The following ACSF3 variants were observed in gnomAD, a reference collection of about 807,000 sequenced individuals.
The protein encoded by ACSF3 is acyl-CoA synthetase family member 3.
A neutral mutation model predicts 53.2 loss-of-function variants in ACSF3; 78 were observed. The ratio of observed to expected loss-of-function variants is 1.47; its 90% CI spans 1.22 to 1.77. The LOEUF is 1.77. Among genes scored for constraint, ACSF3 ranks in the 40% most tolerant of loss-of-function variants. The probability of loss-of-function intolerance (pLI) is 0.00; values close to 1 mark genes in which losing one functional copy is unlikely to be tolerated. For missense variants in ACSF3, 937 were observed against 771.1 expected (o/e 1.22, Z -2.55); for synonymous variants, 414 against 333.1 (o/e 1.24, Z -2.65).
intron 4 of ACSF3, among the ~76,000 whole-genome samples, chr16:89,107,241 C>T (rs1384128879): frequency 1.3e-5 from 2 of 152,318 alleles, no homozygotes; most frequent in East Asian, 3.9e-4. Context: ...GCTCTCAGTG[C>T]CCTTCTTTAG....
chr16:89,137,503 A>G lies in ACSF3; in HGVS notation c.1366+4241A>G, dbSNP rs12924859. Among the ~76,000 whole-genome samples the G allele has an allele frequency of 4.3e-4, 46 of 105,918 alleles. 1 individual carries two copies. Among genetic ancestry groups the G allele is most frequent in the Middle Eastern group, 9.3e-3 (1 of 108 alleles). The allele number at this position is 105,918 out of a possible 152,430, so 69.5% of individuals were successfully genotyped here. A position where few individuals can be genotyped will look rare whatever the true frequency, so the allele number is the denominator to read the frequency against. ...GGGAAAGATTGAGGGGAAGAGCCCC[A>G]GGTCTCGGGAGGACCACCAGGAGCT... On this transcript the variant is annotated intron_variant, in intron 8 of 10. Coordinates refer to ENST00000614302, the MANE Select transcript of ACSF3 (RefSeq NM_001243279.3).
chr16:89,154,051 G>A (rs752592101), intron 10 of ACSF3, 39 bp from the exon 11 acceptor site: 59 of 1,600,150 alleles, frequency 3.7e-5, no homozygotes, highest in Non-Finnish European at 4.9e-5. Context: ...GCTGGGCACT[G>A]TCAGGGCAGT....
chr16:89,148,475 G>A (rs1343527562), intron 10 of ACSF3: 1 of 152,182 alleles, frequency 6.6e-6, no homozygotes, highest in Non-Finnish European at 1.5e-5. Context: ...GCATGGAGGT[G>A]GCTCCCAAGG....
chr16:89,102,497 C>A, intron 3 of ACSF3, 107 bp from the exon 4 acceptor site: 1 of 1,330,394 alleles, frequency 7.5e-7, no homozygotes, highest in Non-Finnish European at 1.1e-6. Flanking sequence ...CCTTCCCCTT[C>A]CTCAGTGGGG....
intron 8 of ACSF3, among the ~76,000 whole-genome samples, chr16:89,140,154 C>T (rs2151545650): frequency 6.6e-6 from 1 of 152,382 alleles, no homozygotes; most frequent in Admixed American, 6.5e-5. Flanking sequence ...GGCACCTGAG[C>T]TTCCAGCACC....
Position 89,150,972 on chromosome 16 carries a change from T to A in ACSF3, c.1614-3118T>A, listed in dbSNP as rs1424893503. Reference sequence around the variant, plus strand: ...TAATGGGAGTTCCAACAAGAAGATATCCAGGGAGGAAATTCACAGTCAAAT... The same window carrying A: ...TAATGGGAGTTCCAACAAGAAGATAACCAGGGAGGAAATTCACAGTCAAAT... On this transcript the variant is annotated intron_variant, in intron 10 of 10. Coordinates refer to ENST00000614302, the MANE Select transcript of ACSF3 (RefSeq NM_001243279.3). 8 of 1,283,018 alleles carry A rather than the reference T, an allele frequency of 6.2e-6. No homozygotes were observed. In the East Asian group the frequency reaches 4.5e-4, roughly 72 times the overall value. 79.5% of individuals were successfully genotyped at this position (1,283,018 alleles called of 1,614,324 possible).
At position 89,100,667 on chromosome 16, in the gene ACSF3, C is replaced by T; in HGVS notation, c.-15C>T. 6.3e-7 allele frequency: 1 copy of T among 1,588,688 alleles called. No homozygotes were observed. Among genetic ancestry groups the T allele is most frequent in the Non-Finnish European group, 8.5e-7 (1 of 1,174,576 alleles). On this transcript the variant is annotated 5_prime_UTR_variant, in exon 3 of 11. Transcript: ENST00000614302. Reference sequence around the variant, plus strand: ...TGTGCCTTGCCTTTCTCCAGCTCGGCCGCCTGTCAGTGCAATGCTGCCCCA... The same window carrying T: ...TGTGCCTTGCCTTTCTCCAGCTCGGTCGCCTGTCAGTGCAATGCTGCCCCA...
In ACSF3 at chr16:89,114,402, G is replaced by A. The variant is rs376153659; in HGVS notation, c.1041G>A (p.Thr347=). The A allele has an allele frequency of 1.2e-5, 19 of 1,613,908 alleles. No individual in the cohort carries two copies. The highest frequency in any genetic ancestry group is 8.0e-5 in the African/African-American group (6 of 74,938). ...TGCTGGAGAAGTGGAAGAACATCAC[G>A]GGCCACACCCTGCTGGAGCGGTATG... ...LPVLEKWKNI[T]GHTLLERYGM... Residue 347 remains threonine, a synonymous_variant, in exon 6 of 11, where the codon ACG becomes ACA. Coordinates refer to ENST00000614302, the MANE Select transcript of ACSF3 (RefSeq NM_001243279.3).
At chr16:89,128,426 A>G (rs1034004466) in intron 7 of ACSF3, among the ~76,000 whole-genome samples, 1 of 151,610 alleles carries the variant, frequency 6.6e-6, no homozygotes, top group South Asian at 2.1e-4. Flanking sequence ...ACGCCCAGCT[A>G]ATTTTTTGTA....
rs563063047 is a variant in ACSF3 at position 89,108,220 on chromosome 16, C to T, written c.823-3872C>T. Among the ~76,000 whole-genome samples, 15 of 152,256 alleles carry T rather than the reference C, an allele frequency of 9.9e-5. 1 individual carries two copies. The South Asian group carries it at 3.1e-3, about 32-fold the overall frequency. ...CAAGTTGAGATTTGGGTGGGGATGC[C>T]ATCAAACCATATCAGGAGTCCTTAA... On this transcript the variant is annotated intron_variant, in intron 4 of 10. Coordinates refer to ENST00000614302, the MANE Select transcript of ACSF3 (RefSeq NM_001243279.3).
Position 89,114,345 on chromosome 16 carries a change from G to C in ACSF3, c.984G>C (p.Met328Ile). The C allele has an allele frequency of 1.9e-6, 3 of 1,614,026 alleles. No individual in the cohort carries two copies. The highest frequency in any genetic ancestry group is 2.5e-6 in the Non-Finnish European group (3 of 1,180,020). ...CTTTGGTTGTGCCGCGTAGGCTGAT[G>C]GTCTCAGGCTCAGCTGCCCTGCCCC... ...RAVCEEKIRL[M>I]VSGSAALPLP... is the part of the protein sequence containing the mutation. The change falls in exon 6 of 11, where the codon ATG becomes ATC. Residue 328 changes from methionine (M) to isoleucine (I), a missense_variant. Met to Ile is a conservative substitution (Grantham distance 10, BLOSUM62 1). Coordinates refer to ENST00000614302, the MANE Select transcript of ACSF3 (RefSeq NM_001243279.3).
Position 89,102,215 on chromosome 16 carries a change from CA to C in ACSF3, c.667-388del, listed in dbSNP as rs1044888348. 160 of 347,762 alleles carry C rather than the reference CA, an allele frequency of 4.6e-4. 4 individuals are homozygous for C. In the Middle Eastern group the frequency reaches 0.014, roughly 31 times the overall value. The allele number at this position is 347,762 out of a possible 1,614,324, so 21.5% of individuals were successfully genotyped here. A position where few individuals can be genotyped will look rare whatever the true frequency, so the allele number is the denominator to read the frequency against. ...ACGAATCGGCAGAGCTCTGTGTGGG[CA>C]GTGCTGTCACCTGAGCCAGTGGTTG... is the stretch of plus-strand genomic sequence containing the variant. On this transcript the variant is annotated intron_variant, in intron 3 of 10. Coordinates refer to ENST00000614302, the MANE Select transcript of ACSF3 (RefSeq NM_001243279.3).
chr16:89,155,075 C>T lies in ACSF3; in HGVS notation c.*868C>T. 1 of 454,108 alleles carries T rather than the reference C, an allele frequency of 2.2e-6. No homozygotes were observed. Among genetic ancestry groups the T allele is most frequent in the South Asian group, 1.6e-5 (1 of 64,476 alleles). The allele number at this position is 454,108 out of a possible 1,614,324, so 28.1% of individuals were successfully genotyped here. ...CCCACAGGCGTGGCCGATGCAGAAA[C>T]CTCAGGAAGGTGTGTTGTGAATGTT... On this transcript the variant is annotated 3_prime_UTR_variant, in exon 11 of 11. Coordinates refer to ENST00000614302, the MANE Select transcript of ACSF3 (RefSeq NM_001243279.3).
intron 6 of ACSF3, among the ~76,000 whole-genome samples, chr16:89,118,341 A>G (rs189815498): frequency 6.7e-6 from 1 of 149,740 alleles, no homozygotes; most frequent in East Asian, 2.0e-4. Context: ...GAAAAAAGTA[A>G]GTAAAGTCAC....
Position 89,104,634 on chromosome 16 carries a change from G to A in ACSF3, c.822+1875G>A, listed in dbSNP as rs532425691. On this transcript the variant is annotated intron_variant, in intron 4 of 10. Coordinates refer to ENST00000614302, the MANE Select transcript of ACSF3 (RefSeq NM_001243279.3). The stretch of plus-strand genomic sequence containing the variant: ...CCTCTGCTTCTCCTGCCGCTGAGAG[G>A]CCCATCCTCTTCTCTGCAGGGCATC... Among the ~76,000 whole-genome samples the A allele has an allele frequency of 2.6e-5, 4 of 152,194 alleles. No homozygotes were observed. In the East Asian group the frequency reaches 7.7e-4, roughly 29 times the overall value.
chr16:89,113,169 C>A (rs1904350760), intron 5 of ACSF3: 1 of 152,148 alleles, frequency 6.6e-6, no homozygotes. Flanking sequence ...GGTATTTTTT[C>A]TTTTTGTGAG....
Position 89,101,366 on chromosome 16 carries a change from C to T in ACSF3, c.666+19C>T, listed in dbSNP as rs976667680. On this transcript the variant is annotated intron_variant, in intron 3 of 10. Transcript: ENST00000614302. ...GGCTGTGGTGAGTGCCGCCTGGCGC[C>T]GTGATGGTTTCGGTGACCGCACAGC... 12 of 1,564,550 alleles carry T rather than the reference C, an allele frequency of 7.7e-6. No individual in the cohort carries two copies. The highest frequency in any genetic ancestry group is 4.7e-5 in the South Asian group (4 of 85,570).
intron 6 of ACSF3, 198 bp downstream of exon 6, chr16:89,114,685 T>C: frequency 2.6e-6 from 2 of 767,668 alleles, no homozygotes; most frequent in Non-Finnish European, 4.3e-6. Context: ...TTCTCCCAAG[T>C]CTCAGTCGGG....
intron 8 of ACSF3, among the ~76,000 whole-genome samples, chr16:89,140,683 G>A (rs1455310777): frequency 6.6e-6 from 1 of 152,092 alleles, no homozygotes; most frequent in Non-Finnish European, 1.5e-5. Flanking sequence ...TTGCGTGCGG[G>A]TCAGGACATC....
Sources: gnomAD v4.1 joint callset for allele counts (sites outside exome capture counted in the v4.1 genomes callset) on GRCh38, gnomAD v4.1.1 for gene constraint, MANE v1.5 for transcripts, NCBI Gene and HGNC (gene_info 2026-07-23, HGNC 2026-07-21) for gene names.